Variants in FSTL4 observed in about 807,000 individuals in gnomAD.
The protein encoded by FSTL4 is follistatin-related protein 4.
In FSTL4, 28 loss-of-function variants were observed where a neutral mutation model predicts 78.2. That is an observed-to-expected ratio of 0.36 (90% CI 0.27 to 0.49). FSTL4 has a LOEUF of 0.49. FSTL4 is among the 20% of genes least tolerant of loss of function. The pLI is 0.98. For missense variants in FSTL4, 922 were observed against 1,084.9 expected, an observed-to-expected ratio of 0.85 and a Z score of 2.11; for synonymous variants, 422 against 440.5, an observed-to-expected ratio of 0.96 and a Z score of 0.53.
chr5:133,558,027 C>T (rs1453419598), intron 3 of FSTL4, among the ~76,000 whole-genome samples: 1 of 152,164 alleles, frequency 6.6e-6, no homozygotes, highest in African/African-American at 2.4e-5. Context: ...AACAAATGCT[C>T]TCTCTATGTT....
the FSTL4 span, among the ~76,000 whole-genome samples, chr5:133,767,352 G>T: frequency 3.3e-5 from 5 of 152,194 alleles, no homozygotes; most frequent in African/African-American, 1.2e-4. Flanking sequence ...CTATGCCAGA[G>T]AGCCCTCAGG....
intron 2 of FSTL4, among the ~76,000 whole-genome samples, chr5:133,596,309 C>A (rs1372439772): frequency 6.6e-6 from 1 of 152,226 alleles, no homozygotes; most frequent in Non-Finnish European, 1.5e-5. Context: ...AGGCGTCTGT[C>A]ACCTCTGAGG....
At chr5:133,370,483 T>A (rs1342059474) in intron 4 of FSTL4, among the ~76,000 whole-genome samples, 1 of 151,962 alleles carries the variant, frequency 6.6e-6, no homozygotes, top group African/African-American at 2.4e-5. Flanking sequence ...ATACCCAAAG[T>A]AAGACAGGGG....
At chr5:133,663,197 A>T in the FSTL4 span, among the ~76,000 whole-genome samples, 8 of 152,256 alleles carry the variant, frequency 5.3e-5, no homozygotes, top group Non-Finnish European at 1.0e-4. Flanking sequence ...AAAGTATCAT[A>T]GAACTACACA....
chr5:133,405,159 CA>C (rs1259100879), intron 3 of FSTL4, among the ~76,000 whole-genome samples: 2 of 152,246 alleles, frequency 1.3e-5, no homozygotes, highest in African/African-American at 4.8e-5. Flanking sequence ...TGAAGGCTGT[CA>C]GTGCCCCCAG....
intron 3 of FSTL4, among the ~76,000 whole-genome samples, chr5:133,564,817 G>T (rs1395472249): frequency 6.6e-6 from 1 of 152,194 alleles, no homozygotes; most frequent in Non-Finnish European, 1.5e-5. Flanking sequence ...GGCACACAAT[G>T]CATTCACTTT....
chr5:133,786,168 C>T, the FSTL4 span, among the ~76,000 whole-genome samples: 1 of 152,184 alleles, frequency 6.6e-6, no homozygotes, highest in African/African-American at 2.4e-5. Context: ...TTCCAAGTGG[C>T]CTTTTCCTCC....
chr5:133,247,191 G>T (rs746319202), intron 7 of FSTL4: 1 of 152,074 alleles, frequency 6.6e-6, no homozygotes, highest in East Asian at 1.9e-4. Flanking sequence ...GCCTATTTGC[G>T]GGCTACTGAC....
chr5:133,380,921 A>T (rs1296204374), intron 4 of FSTL4, among the ~76,000 whole-genome samples: 2 of 152,116 alleles, frequency 1.3e-5, no homozygotes, highest in Non-Finnish European at 2.9e-5. Flanking sequence ...GGAATGTAAG[A>T]TTGGTTTAAC....
chr5:133,789,586 G>A, the FSTL4 span, among the ~76,000 whole-genome samples: 3 of 152,310 alleles, frequency 2.0e-5, no homozygotes, highest in Admixed American at 1.3e-4. Flanking sequence ...GGGAAAAGCC[G>A]GGATGCAAAG....
chr5:133,259,053 G>A (rs1251844064), intron 6 of FSTL4, among the ~76,000 whole-genome samples: 1 of 151,970 alleles, frequency 6.6e-6, no homozygotes, highest in Non-Finnish European at 1.5e-5. Context: ...GGGGTGGGGG[G>A]TGTCTCAGAA....
chr5:133,712,904 C>T, the FSTL4 span, among the ~76,000 whole-genome samples: 5 of 152,174 alleles, frequency 3.3e-5, no homozygotes, highest in South Asian at 2.1e-4. Flanking sequence ...ATTCTTGTAG[C>T]CATCCTACTT....
At chr5:133,667,735 T>C in the FSTL4 span, among the ~76,000 whole-genome samples, 4 of 152,248 alleles carry the variant, frequency 2.6e-5, no homozygotes, top group South Asian at 2.1e-4. Context: ...CCATCCCTGC[T>C]ACATCTTTCT....
chr5:133,497,575 T>C (rs1473252409), intron 3 of FSTL4, among the ~76,000 whole-genome samples: 3 of 152,104 alleles, frequency 2.0e-5, no homozygotes, highest in African/African-American at 7.2e-5. Flanking sequence ...GGACATCAGA[T>C]CCTGAATCTG....
chr5:133,205,082 A>C (rs1057033147), intron 14 of FSTL4, among the ~76,000 whole-genome samples: 1 of 152,196 alleles, frequency 6.6e-6, no homozygotes, highest in African/African-American at 2.4e-5. Flanking sequence ...TTATGCTTTC[A>C]GTGTTTTGCC....
chr5:133,208,802 C>T (rs1750610791), intron 14 of FSTL4, among the ~76,000 whole-genome samples: 1 of 152,126 alleles, frequency 6.6e-6, no homozygotes, highest in African/African-American at 2.4e-5. Flanking sequence ...TCCTGAGTAG[C>T]TGGGACTACA....
chr5:133,329,914 A>G (rs1242586967), intron 4 of FSTL4, among the ~76,000 whole-genome samples: 1 of 152,056 alleles, frequency 6.6e-6, no homozygotes, highest in Non-Finnish European at 1.5e-5. Context: ...CACGACATTC[A>G]CCCCCTTTGC....
At chr5:133,304,937 G>A (rs1753623284) in intron 6 of FSTL4, among the ~76,000 whole-genome samples, 1 of 152,214 alleles carries the variant, frequency 6.6e-6, no homozygotes, top group Non-Finnish European at 1.5e-5. Flanking sequence ...CACTTGCCAA[G>A]GGGCTCCTGA....
At chr5:133,806,422 G>C in the FSTL4 span, among the ~76,000 whole-genome samples, 1 of 152,180 alleles carries the variant, frequency 6.6e-6, no homozygotes, top group South Asian at 2.1e-4. Context: ...CCTTGCAAAT[G>C]AAATAGTCAT....
Sources: allele counts gnomAD v4.1 joint callset (sites outside exome capture counted in the v4.1 genomes callset), GRCh38; gene constraint gnomAD v4.1.1; transcripts MANE v1.5; gene names NCBI Gene and HGNC (gene_info 2026-07-23, HGNC 2026-07-21).